NECAB2: variants seen among roughly 807,000 people sequenced by gnomAD.
NECAB2 encodes N-terminal EF-hand calcium binding protein 2, also known as N-terminal EF-hand calcium-binding protein 2.
Under a neutral mutation model 51.9 loss-of-function variants are expected in NECAB2, and 68 were observed. The observed-to-expected ratio is 1.31, with a 90% CI of 1.08 to 1.60. The LOEUF is 1.60. NECAB2 is among the 40% of genes most tolerant of loss of function. NECAB2 has a pLI of 0.00. For synonymous variants in NECAB2, 329 were observed against 203.5 expected, an observed-to-expected ratio of 1.62 and a Z score of -5.25; for missense variants, 854 against 490.3, an observed-to-expected ratio of 1.74 and a Z score of -7.00.
chr16:83,966,245 T>A (rs2084278927), upstream of NECAB2: 2 of 543,078 alleles, frequency 3.7e-6, no homozygotes, highest in African/African-American at 1.9e-5. Flanking sequence ...GGAAAGCTGC[T>A]GGTGTGACCA....
rs1343730042 is a variant in NECAB2, at chr16:83,990,508, G to C, written c.474G>C (p.Gly158=). 1.9e-6 allele frequency: 3 copies of C among 1,613,964 alleles called. No homozygotes were observed. The highest frequency in any genetic ancestry group is 2.5e-6 in the Non-Finnish European group (3 of 1,180,028). The change falls in exon 6 of 13, where the codon GGG becomes GGC. Residue 158 remains glycine, a synonymous_variant. Coordinates refer to ENST00000305202, the MANE Select transcript of NECAB2 (RefSeq NM_019065.3). The part of the protein sequence containing the change: ...MGYTKKVYEG[G]SNVDQFVTRF... ...TCCTTCCACAGGTATATGAGGGTGGGAGCAACGTGGACCAGTTTGTGACCC... is the reference window on the plus strand; with the variant it reads ...TCCTTCCACAGGTATATGAGGGTGGCAGCAACGTGGACCAGTTTGTGACCC...
At chr16:83,993,430 A>C (rs2084651514) in intron 6 of NECAB2, 1 of 153,862 alleles carries the variant, frequency 6.5e-6, no homozygotes, top group Non-Finnish European at 1.5e-5. Context: ...GAATGCACCA[A>C]GACCGCGATG....
chr16:83,997,311 C>A (rs1214592404), intron 9 of NECAB2, 42 bp downstream of exon 9: 1 of 1,612,544 alleles, frequency 6.2e-7, no homozygotes, highest in Admixed American at 1.7e-5. Flanking sequence ...CACATCCCTA[C>A]CCATGCCAGG....
Position 83,994,376 on chromosome 16 carries a change from A to T in NECAB2, c.671A>T (p.Asn224Ile). 1 of 1,614,146 alleles carries T rather than the reference A, an allele frequency of 6.2e-7. No individual in the cohort carries two copies. The highest frequency in any genetic ancestry group is 8.5e-7 in the Non-Finnish European group (1 of 1,180,020). ...CGSPTPASAP[N>I]HKLMAMEQGK... ...AGCCCCACTCCCGCCTCTGCCCCCA[A>T]CCACAAGCTCATGGCTATGGAACAA... The change falls in exon 7 of 13, where the codon AAC becomes ATC. Residue 224 changes from asparagine (N) to isoleucine (I), a missense_variant. Physicochemically the swap from Asn to Ile is moderately radical, Grantham distance 149. Coordinates refer to ENST00000305202, the MANE Select transcript of NECAB2 (RefSeq NM_019065.3).
At chr16:83,970,003 G>A (rs557583943) in intron 1 of NECAB2, among the ~76,000 whole-genome samples, 14 of 152,144 alleles carry the variant, frequency 9.2e-5, no homozygotes, top group Non-Finnish European at 1.6e-4. Flanking sequence ...ACACACTCAC[G>A]CACTCGCTTA....
At chr16:83,987,070 C>T (rs559270668) in intron 5 of NECAB2, among the ~76,000 whole-genome samples, 16 of 152,178 alleles carry the variant, frequency 1.1e-4, no homozygotes, top group Non-Finnish European at 1.6e-4. Context: ...CTGTCCTTGG[C>T]TTCCCTCCTG....
At chr16:83,998,368 G>C in intron 10 of NECAB2, 51 bp downstream of exon 10, 1 of 1,542,276 alleles carries the variant, frequency 6.5e-7, no homozygotes, top group Non-Finnish European at 8.9e-7. Flanking sequence ...AGCTCTGCCT[G>C]GCAGTGGAGG....
intron 2 of NECAB2, among the ~76,000 whole-genome samples, chr16:83,974,224 T>G (rs777692512): frequency 7.2e-5 from 11 of 152,192 alleles, no homozygotes; most frequent in African/African-American, 1.7e-4. Flanking sequence ...TCCCCCAGCC[T>G]GACTGCCTAG....
At chr16:83,999,274 G>C (rs929927471) in intron 10 of NECAB2, among the ~76,000 whole-genome samples, 2 of 152,142 alleles carry the variant, frequency 1.3e-5, no homozygotes, top group Admixed American at 6.5e-5. Context: ...AGGATGGGGG[G>C]GCAGGACCCA....
upstream of NECAB2, chr16:83,965,329 G>A (rs374999260): frequency 6.7e-5 from 106 of 1,574,152 alleles, no homozygotes; most frequent in East Asian, 3.4e-4. Context: ...TCGACAGCCC[G>A]GCCCGGCTGG....
At chr16:83,972,559 C>G (rs1033032895) in intron 2 of NECAB2, among the ~76,000 whole-genome samples, 1 of 152,226 alleles carries the variant, frequency 6.6e-6, no homozygotes, top group Admixed American at 6.5e-5. Context: ...CACGCTAGGC[C>G]CTTCACAAGC....
chr16:84,001,504 T>C (rs1338351947), intron 11 of NECAB2, among the ~76,000 whole-genome samples: 1 of 152,110 alleles, frequency 6.6e-6, no homozygotes. Context: ...CCTTCGCAGC[T>C]TCTGTGTTGT....
At chr16:83,997,394 T>C (rs1413004046) in intron 9 of NECAB2, 125 bp downstream of exon 9, 1 of 1,245,556 alleles carries the variant, frequency 8.0e-7, no homozygotes, top group Non-Finnish European at 1.1e-6. Flanking sequence ...AGGGGAGATG[T>C]CGCCCAGCGC....
At chr16:83,969,250 G>T (rs903586511) in intron 1 of NECAB2, among the ~76,000 whole-genome samples, 1 of 151,826 alleles carries the variant, frequency 6.6e-6, no homozygotes, top group Non-Finnish European at 1.5e-5. Context: ...GATCCTGTCC[G>T]GAGCGATACT....
At chr16:83,970,106 G>A (rs576368826) in intron 1 of NECAB2, among the ~76,000 whole-genome samples, 1 of 152,220 alleles carries the variant, frequency 6.6e-6, no homozygotes, top group Non-Finnish European at 1.5e-5. Context: ...CCTGGGCAGA[G>A]CCCTGCAGCC....
intron 9 of NECAB2, 145 bp from the exon 10 acceptor site, chr16:83,998,060 T>C (rs1002055299): frequency 2.8e-6 from 2 of 713,766 alleles, no homozygotes; most frequent in Non-Finnish European, 4.6e-6. Flanking sequence ...TTTTAGTCCA[T>C]TCTTATCCAT....
At chr16:83,994,225 C>T (rs2084664144) in intron 6 of NECAB2, 77 bp from the exon 7 acceptor site, 2 of 1,293,660 alleles carry the variant, frequency 1.5e-6, no homozygotes, top group Admixed American at 3.4e-5. Context: ...GTAATAAATG[C>T]CTGTGGAAGA....
chr16:84,000,847 TG>T lies in NECAB2; in HGVS notation c.1040+53del, dbSNP rs747782849. 5.1e-6 allele frequency: 7 copies of T among 1,384,550 alleles called. No homozygotes were observed. The South Asian group carries it at 6.2e-5, about 12-fold the overall frequency. The allele number at this position is 1,384,550 out of a possible 1,614,324, so 85.8% of individuals were successfully genotyped here. ...AGCAGGTGAGGGAGACAGAGGGAAGTGGGGGGGCTGTCTTCCTGGAGCCAGG... is the reference window on the plus strand; with the variant it reads ...AGCAGGTGAGGGAGACAGAGGGAAGTGGGGGGCTGTCTTCCTGGAGCCAGG... On this transcript the variant is annotated intron_variant, in intron 11 of 12. Coordinates refer to ENST00000305202, the MANE Select transcript of NECAB2 (RefSeq NM_019065.3).
Position 83,968,771 on chromosome 16 carries a change from C to T in NECAB2, c.123C>T (p.Pro41=), listed in dbSNP as rs1429123347. The T allele has an allele frequency of 1.8e-6, 2 of 1,100,314 alleles. No individual in the cohort carries two copies. The highest frequency in any genetic ancestry group is 8.4e-5 in the South Asian group (2 of 23,700). 68.2% of individuals were successfully genotyped at this position (1,100,314 alleles called of 1,614,324 possible). A position where few individuals can be genotyped will look rare whatever the true frequency, so the allele number is the denominator to read the frequency against. The change falls in exon 1 of 13, where the codon CCC becomes CCT. Residue 41 remains proline, a synonymous_variant. Coordinates refer to ENST00000305202, the MANE Select transcript of NECAB2 (RefSeq NM_019065.3). Reference sequence around the variant, plus strand: ...GGGTGGGCGCCAGGATGGGCGAGCCCCGGGAGTCGCTGGCCCCCGCCGCCC... The same window carrying T: ...GGGTGGGCGCCAGGATGGGCGAGCCTCGGGAGTCGCTGGCCCCCGCCGCCC... The part of the protein sequence containing the change: ...LRWVGARMGE[P]RESLAPAAPA...
Sources: allele counts gnomAD v4.1 joint callset (sites outside exome capture counted in the v4.1 genomes callset), GRCh38; gene constraint gnomAD v4.1.1; transcripts MANE v1.5; gene names NCBI Gene and HGNC (gene_info 2026-07-23, HGNC 2026-07-21).